Variants in ADCY9 observed in about 807,000 individuals in gnomAD.
The protein encoded by ADCY9 is adenylate cyclase type 9.
ADCY9 carries 50 observed loss-of-function variants against 101.5 expected under a neutral mutation model. The ratio of observed to expected loss-of-function variants is 0.49; its 90% CI spans 0.39 to 0.62. The LOEUF (loss-of-function observed/expected upper bound fraction) is 0.62, where lower values mean the gene tolerates loss of function less well. Ranked by LOEUF, ADCY9 falls within the 20% of genes least tolerant of loss-of-function variation. The pLI is 0.00. For missense variants in ADCY9, 1,662 were observed against 1,800.4 expected (o/e 0.92, Z 1.39); for synonymous variants, 905 against 769.3 (o/e 1.18, Z -2.92).
chr16:4,099,028 G>A (rs1234428675), intron 2 of ADCY9, among the ~76,000 whole-genome samples: 2 of 152,044 alleles, frequency 1.3e-5, no homozygotes, highest in African/African-American at 2.4e-5. Context: ...TGCCTCCCAG[G>A]TTGAAACAAT....
chr16:3,995,009 G>C (rs1157773629), intron 3 of ADCY9, among the ~76,000 whole-genome samples: 10 of 152,188 alleles, frequency 6.6e-5, no homozygotes, highest in Non-Finnish European at 1.5e-5. Flanking sequence ...CCTAAAAAGA[G>C]CAAAGCCTTT....
At chr16:4,086,767 C>T (rs2056941551) in intron 2 of ADCY9, among the ~76,000 whole-genome samples, 1 of 152,054 alleles carries the variant, frequency 6.6e-6, no homozygotes, top group Admixed American at 6.5e-5. Context: ...TCAAACGATC[C>T]TCCTGCCTCA....
At chr16:4,039,096 C>T (rs1292590915) in intron 2 of ADCY9, among the ~76,000 whole-genome samples, 1 of 152,158 alleles carries the variant, frequency 6.6e-6, no homozygotes, top group Admixed American at 6.6e-5. Flanking sequence ...TAACCCGCAC[C>T]AGTCTGTGAA....
intron 2 of ADCY9, among the ~76,000 whole-genome samples, chr16:4,080,437 G>T (rs1156423245): frequency 6.6e-6 from 1 of 151,762 alleles, no homozygotes; most frequent in African/African-American, 2.4e-5. Flanking sequence ...TACATTTTTT[G>T]ATAGAAATGG....
intron 3 of ADCY9, among the ~76,000 whole-genome samples, chr16:3,998,393 A>C (rs2056303917): frequency 6.6e-6 from 1 of 152,040 alleles, no homozygotes; most frequent in African/African-American, 2.4e-5. Context: ...ACTGGGTCAT[A>C]GAGCAAGACC....
chr16:4,014,193 C>A (rs2056422245), intron 2 of ADCY9, among the ~76,000 whole-genome samples: 1 of 151,994 alleles, frequency 6.6e-6, no homozygotes, highest in African/African-American at 2.4e-5. Context: ...GTGGCACATG[C>A]CTGTAATCCC....
At chr16:4,099,229 G>A (rs189406849) in intron 2 of ADCY9, among the ~76,000 whole-genome samples, 5 of 152,030 alleles carry the variant, frequency 3.3e-5, no homozygotes, top group African/African-American at 9.7e-5. Context: ...CACCACGCCC[G>A]GCCTTTTTAT....
chr16:4,100,358 C>G (rs562018960), intron 2 of ADCY9, among the ~76,000 whole-genome samples: 1 of 152,092 alleles, frequency 6.6e-6, no homozygotes, highest in African/African-American at 2.4e-5. Flanking sequence ...GAGATGGGGT[C>G]TCACTCTGTT....
At chr16:4,015,065 G>A (rs866962876) in intron 2 of ADCY9, among the ~76,000 whole-genome samples, 1 of 145,076 alleles carries the variant, frequency 6.9e-6, no homozygotes, top group African/African-American at 2.5e-5. Flanking sequence ...TCAGCCTCCC[G>A]AGCAGCTGGG....
chr16:4,017,603 C>A (rs2056446741), intron 2 of ADCY9, among the ~76,000 whole-genome samples: 1 of 146,020 alleles, frequency 6.8e-6, no homozygotes, highest in African/African-American at 2.6e-5. Context: ...AAGATCGCAC[C>A]ATTGCACTCC....
chr16:4,106,859 C>A (rs754267472), intron 2 of ADCY9, among the ~76,000 whole-genome samples: 1 of 152,174 alleles, frequency 6.6e-6, no homozygotes, highest in African/African-American at 2.4e-5. Flanking sequence ...ACTATCTCAC[C>A]AAGCTGGCCA....
At chr16:3,956,114 G>A (rs1379781738) in intron 5 of ADCY9, among the ~76,000 whole-genome samples, 1 of 151,856 alleles carries the variant, frequency 6.6e-6, no homozygotes, top group Admixed American at 6.6e-5. Context: ...ATGTTGCCCA[G>A]GTCTCAAACT....
intron 2 of ADCY9, among the ~76,000 whole-genome samples, chr16:4,016,351 C>A (rs1286784014): frequency 6.6e-6 from 1 of 152,184 alleles, no homozygotes; most frequent in African/African-American, 2.4e-5. Flanking sequence ...GATACCAGAA[C>A]TGAAACAGAC....
downstream of ADCY9, among the ~76,000 whole-genome samples, chr16:3,959,361 TCAAAA>T (rs771032355): frequency 1.7e-5 from 1 of 58,650 alleles, no homozygotes. Context: ...GACTCTTATC[TCAAAA>T]AAAAAAAAAA....
At chr16:3,979,851 C>T (rs570748182) in intron 7 of ADCY9, among the ~76,000 whole-genome samples, 4 of 152,386 alleles carry the variant, frequency 2.6e-5, no homozygotes, top group South Asian at 2.1e-4. Context: ...AGGCTGCTGA[C>T]AGCATCTTAG....
Position 3,979,236 on chromosome 16 carries a change from C to T in ADCY9, c.2559G>A (p.Lys853=). 2 of 1,614,030 alleles carry T rather than the reference C, an allele frequency of 1.2e-6. No homozygotes were observed. The highest frequency in any genetic ancestry group is 1.7e-6 in the Non-Finnish European group (2 of 1,179,996). Residue 853 remains lysine, a synonymous_variant, in exon 8 of 11, where the codon AAG becomes AAA. Coordinates refer to ENST00000294016, the MANE Select transcript of ADCY9 (RefSeq NM_001116.4). ...FFLEDVMACT[K]RLLEWIAGWL... ...AGCCGGCGATCCACTCCAGCAGGCG[C>T]TTGGTGCAGGCCATGACGTCCTCCA...
At chr16:4,072,591 A>C (rs1378538231) in intron 2 of ADCY9, among the ~76,000 whole-genome samples, 1 of 152,206 alleles carries the variant, frequency 6.6e-6, no homozygotes, top group African/African-American at 2.4e-5. Context: ...GCTTCTGTGC[A>C]TAAGCCCCTA....
chr16:3,966,786 G>A lies in ADCY9; in HGVS notation c.3051C>T (p.His1017=), dbSNP rs2056001577. The A allele has an allele frequency of 6.2e-7, 1 of 1,614,250 alleles. No homozygotes were observed. Among genetic ancestry groups the A allele is most frequent in the South Asian group, 1.1e-5 (1 of 91,084 alleles). Residue 1017 remains histidine, a synonymous_variant, in exon 11 of 11, where the codon CAC becomes CAT. Coordinates refer to ENST00000294016, the MANE Select transcript of ADCY9 (RefSeq NM_001116.4). Reference sequence around the variant, plus strand: ...CCCGCATGCTCTGGATCTTGGTGCGGTGAAGATCCGCTTCCACGTCTCCGT... The same window carrying A: ...CCCGCATGCTCTGGATCTTGGTGCGATGAAGATCCGCTTCCACGTCTCCGT... ...HYHGDVEADL[H]RTKIQSMRDQ...
chr16:4,042,553 T>C (rs1284364654), intron 2 of ADCY9, among the ~76,000 whole-genome samples: 1 of 152,248 alleles, frequency 6.6e-6, no homozygotes, highest in Non-Finnish European at 1.5e-5. Flanking sequence ...TTTAGATAAG[T>C]TCCCAGAGGA....
Sources: allele counts gnomAD v4.1 joint callset (sites outside exome capture counted in the v4.1 genomes callset), GRCh38; gene constraint gnomAD v4.1.1; transcripts MANE v1.5; gene names NCBI Gene and HGNC (gene_info 2026-07-23, HGNC 2026-07-21).